The following MTA3 variants were observed in gnomAD, a reference collection of about 807,000 sequenced individuals.
MTA3 encodes the protein metastasis associated 1 family member 3, also known as metastasis-associated protein MTA3.
A neutral mutation model predicts 83.5 loss-of-function variants in MTA3; 34 were observed. The observed-to-expected ratio is 0.41, with a 90% CI of 0.31 to 0.54. The LOEUF is 0.54. MTA3 is among the 20% of genes least tolerant of loss of function. The probability of loss-of-function intolerance (pLI) is 0.33; values close to 1 mark genes in which losing one functional copy is unlikely to be tolerated. For missense variants in MTA3, 761 were observed against 726.4 expected (o/e 1.05, Z -0.55); for synonymous variants, 303 against 252.7 (o/e 1.20, Z -1.89).
chr2:42,719,004 T>G lies in MTA3; in HGVS notation c.1542T>G (p.Ala514=). ...TCTCCTCAGATGCAGACAGACATGCTGAACTATCTGGAAGTCCACTGAAAA... is the reference window on the plus strand; with the variant it reads ...TCTCCTCAGATGCAGACAGACATGCGGAACTATCTGGAAGTCCACTGAAAA... ...AIRAEYADRH[A]ELSGSPLKSK... Residue 514 remains alanine (A), a synonymous_variant, in exon 15 of 17, where the codon GCT becomes GCG. Coordinates refer to ENST00000405094, the MANE Select transcript of MTA3 (RefSeq NM_001330442.2). 6.5e-7 allele frequency: 1 copy of G among 1,550,336 alleles called. No individual in the cohort carries two copies. The highest frequency in any genetic ancestry group is 8.7e-7 in the Non-Finnish European group (1 of 1,146,812).
Position 42,667,574 on chromosome 2 carries a change from G to A in MTA3, c.702+7712G>A, listed in dbSNP as rs903510457. On this transcript the variant is annotated intron_variant, in intron 8 of 16. Coordinates refer to ENST00000405094, the MANE Select transcript of MTA3 (RefSeq NM_001330442.2). ...AGAATTTCCATCATTTAAAAATTGT[G>A]TGTGTGTGTGTGTGTGTGTGTGTGT... 9.5e-3 allele frequency among the ~76,000 whole-genome samples: 1,146 copies of A among 121,204 alleles called. 33 individuals carry two copies. The highest frequency in any genetic ancestry group is 0.02 in the East Asian group (89 of 4,450). The allele number at this position is 121,204 out of a possible 152,430, so 79.5% of individuals were successfully genotyped here. A position where few individuals can be genotyped will look rare whatever the true frequency, so the allele number is the denominator to read the frequency against.
At chr2:42,498,384 A>G (rs1319369580) in intron 2 of MTA3, among the ~76,000 whole-genome samples, 1 of 152,170 alleles carries the variant, frequency 6.6e-6, no homozygotes, top group African/African-American at 2.4e-5. Flanking sequence ...GGAGAGCTTT[A>G]TTGTTGTTAT....
chr2:42,681,342 T>A (rs1351339258), intron 8 of MTA3, among the ~76,000 whole-genome samples: 1 of 152,192 alleles, frequency 6.6e-6, no homozygotes, highest in Admixed American at 6.5e-5. Flanking sequence ...GTCTTAAATA[T>A]CATACTCTGC....
intron 16 of MTA3, among the ~76,000 whole-genome samples, chr2:42,730,787 C>A (rs1397670224): frequency 6.6e-6 from 1 of 152,026 alleles, no homozygotes; most frequent in African/African-American, 2.4e-5. Flanking sequence ...GGTTTTAGTT[C>A]TTCTTTAAAT....
At chr2:42,532,947 A>C (rs1676045852) in intron 2 of MTA3, 1 of 247,908 alleles carries the variant, frequency 4.0e-6, no homozygotes. Context: ...CAGCTCAGAG[A>C]GTGCTTAATG....
intron 4 of MTA3, among the ~76,000 whole-genome samples, chr2:42,617,130 A>G (rs944891519): frequency 6.6e-6 from 1 of 152,230 alleles, no homozygotes; most frequent in Non-Finnish European, 1.5e-5. Flanking sequence ...GTTCTAGCCT[A>G]TAAGAATTAT....
Position 42,755,369 on chromosome 2 carries a change from C to T in MTA3, c.*1970C>T, listed in dbSNP as rs919868429. 1.0e-6 allele frequency: 1 copy of T among 985,476 alleles called. No homozygotes were observed. Among genetic ancestry groups the T allele is most frequent in the Non-Finnish European group, 1.2e-6 (1 of 829,980 alleles). 61.0% of individuals were successfully genotyped at this position (985,476 alleles called of 1,614,324 possible). ...GCCTTTTGGGAGAGGCCCTCTCACC[C>T]AGGCCCAAGAGATTTGGAGACAGGA... On this transcript the variant is annotated 3_prime_UTR_variant, in exon 17 of 17. Transcript: ENST00000405094.
chr2:42,585,225 A>ATTACAGGCATGTGC (rs1460084340), intron 3 of MTA3, among the ~76,000 whole-genome samples: 3 of 151,870 alleles, frequency 2.0e-5, no homozygotes, highest in Non-Finnish European at 4.4e-5. Flanking sequence ...AGCAGCTGGG[A>ATTACAGGCATGTGC]TTACAGGCAT....
At chr2:42,577,105 A>AAAAAAAAAT (rs1211189566) in intron 2 of MTA3, among the ~76,000 whole-genome samples, 6 of 86,946 alleles carry the variant, frequency 6.9e-5, no homozygotes, top group Admixed American at 1.3e-4. Flanking sequence ...AAAAAAAAAA[A>AAAAAAAAAT]ATATATATAT....
rs375952588 is a variant in MTA3 at position 42,697,690 on chromosome 2, G to A, written c.967-86G>A. ...TAATTTTTGAATTACACTTTAATAC[G>A]TATTTTCTTGTGAATTTTTAAGACA... On this transcript the variant is annotated intron_variant, in intron 10 of 16. Transcript: ENST00000405094. 5.2e-4 allele frequency: 470 copies of A among 899,910 alleles called. 5 individuals are homozygous for A. The South Asian group carries it at 7.6e-3, about 15-fold the overall frequency. The allele number at this position is 899,910 out of a possible 1,614,324, so 55.7% of individuals were successfully genotyped here. A position where few individuals can be genotyped will look rare whatever the true frequency, so the allele number is the denominator to read the frequency against.
At chr2:42,530,493 A>G (rs1364898943) in intron 2 of MTA3, among the ~76,000 whole-genome samples, 2 of 61,486 alleles carry the variant, frequency 3.3e-5, no homozygotes, top group Admixed American at 1.4e-4. Flanking sequence ...TCTCAAAGGA[A>G]AAAAAAAAGG....
chr2:42,570,536 A>G (rs1269559144), intron 2 of MTA3, 32 bp downstream of exon 2: 1 of 1,263,992 alleles, frequency 7.9e-7, no homozygotes, highest in South Asian at 1.7e-5. Flanking sequence ...TTTTAATATT[A>G]AAAATATTTA....
chr2:42,547,455 G>A (rs1676806923), intron 2 of MTA3, among the ~76,000 whole-genome samples: 1 of 152,216 alleles, frequency 6.6e-6, no homozygotes, highest in South Asian at 2.1e-4. Context: ...AGCCTCGTAA[G>A]TAGTAGCTGG....
intron 15 of MTA3, among the ~76,000 whole-genome samples, chr2:42,722,251 C>A (rs147528109): frequency 5.7e-4 from 87 of 152,302 alleles, no homozygotes; most frequent in African/African-American, 1.9e-3. Context: ...TGGCTAACAA[C>A]AATATACCTT....
At chr2:42,582,912 C>T (rs1034183659) in intron 3 of MTA3, among the ~76,000 whole-genome samples, 2 of 152,022 alleles carry the variant, frequency 1.3e-5, no homozygotes, top group Non-Finnish European at 2.9e-5. Flanking sequence ...CCACTCTCAC[C>T]ACACATTTTA....
intron 2 of MTA3, among the ~76,000 whole-genome samples, chr2:42,498,170 T>C (rs2103634808): frequency 6.6e-6 from 1 of 152,364 alleles, no homozygotes; most frequent in Non-Finnish European, 1.5e-5. Context: ...TTAATTCATA[T>C]TTTTCAATGT....
intron 16 of MTA3, among the ~76,000 whole-genome samples, chr2:42,736,145 C>A (rs1668595853): frequency 6.6e-6 from 1 of 152,164 alleles, no homozygotes; most frequent in African/African-American, 2.4e-5. Context: ...TTCACTGCAG[C>A]CATACCTGCA....
chr2:42,533,736 G>A (rs1199316910), intron 2 of MTA3, among the ~76,000 whole-genome samples: 2 of 150,058 alleles, frequency 1.3e-5, no homozygotes, highest in African/African-American at 2.4e-5. Flanking sequence ...GGAGGCTGAG[G>A]CAGGAGAATC....
chr2:42,635,272 T>C (rs534602435), intron 4 of MTA3, among the ~76,000 whole-genome samples: 1 of 152,312 alleles, frequency 6.6e-6, no homozygotes, highest in Non-Finnish European at 1.5e-5. Flanking sequence ...GTCTACTCAC[T>C]GATTTACCAA....
Sources: allele counts gnomAD v4.1 joint callset (sites outside exome capture counted in the v4.1 genomes callset), GRCh38; gene constraint gnomAD v4.1.1; transcripts MANE v1.5; gene names NCBI Gene and HGNC (gene_info 2026-07-23, HGNC 2026-07-21).